NRXN1: variants seen among roughly 807,000 people sequenced by gnomAD.
NRXN1 encodes the protein neurexin 1, also known as neurexin-1.
In NRXN1, 39 loss-of-function variants were observed where a neutral mutation model predicts 150.9. The observed-to-expected ratio is 0.26, with a 90% confidence interval of 0.20 to 0.34. The LOEUF (loss-of-function observed/expected upper bound fraction) is 0.34, where lower values mean the gene tolerates loss of function less well. NRXN1 is among the 10% of genes least tolerant of loss of function. The pLI is 1.00. For synonymous variants in NRXN1, 924 were observed against 757.0 expected, an observed-to-expected ratio of 1.22 and a Z score of -3.62; for missense variants, 1,815 against 1,949.9, an observed-to-expected ratio of 0.93 and a Z score of 1.30.
In NRXN1 at chr2:50,347,515, G is replaced by C; in HGVS notation, c.3365-110545C>G. 1 of 1,047,334 alleles carries C rather than the reference G, an allele frequency of 9.5e-7. No individual in the cohort carries two copies. The highest frequency in any genetic ancestry group is 1.2e-6 in the Non-Finnish European group (1 of 866,684). The allele number at this position is 1,047,334 out of a possible 1,614,324, so 64.9% of individuals were successfully genotyped here. ...CCTTCCCTCCATTCAGCCCCGGCCG[G>C]CTCGCCCGCTAGCGCCAGCCTCCCC... On this transcript the variant is annotated intron_variant, in intron 17 of 22. Transcript: ENST00000401669. The surrounding 1 kb of genome is among the most constrained non-coding windows in gnomAD (Gnocchi z 4.9).
intron 19 of NRXN1, among the ~76,000 whole-genome samples, chr2:50,089,760 C>T (rs1256759631): frequency 1.3e-5 from 2 of 149,766 alleles, no homozygotes; most frequent in Non-Finnish European, 2.9e-5. Context: ...TACATCCAGT[C>T]TGGGCAAAAG....
intron 5 of NRXN1, among the ~76,000 whole-genome samples, chr2:50,743,026 A>C (rs898686436): frequency 6.6e-6 from 1 of 152,208 alleles, no homozygotes. Flanking sequence ...CAGAAATAAA[A>C]GTATAAGAAA....
intron 15 of NRXN1, among the ~76,000 whole-genome samples, chr2:50,478,121 G>C (rs1573154245): frequency 6.6e-6 from 1 of 152,138 alleles, no homozygotes; most frequent in Non-Finnish European, 1.5e-5. Flanking sequence ...GAGAGAGCTT[G>C]TCTTTAGGTG....
chr2:50,735,553 A>G (rs1465783415), intron 5 of NRXN1, among the ~76,000 whole-genome samples: 2 of 152,148 alleles, frequency 1.3e-5, no homozygotes, highest in African/African-American at 2.4e-5. Flanking sequence ...CATATCCCAT[A>G]TCCTAAGACA....
intron 21 of NRXN1, among the ~76,000 whole-genome samples, chr2:49,947,216 G>A (rs2104417106): frequency 6.6e-6 from 1 of 152,016 alleles, no homozygotes; most frequent in African/African-American, 2.4e-5. Context: ...CATTTTCTTT[G>A]AGGAATGTTA....
intron 5 of NRXN1, chr2:50,739,225 C>A (rs780259219): frequency 2.0e-6 from 1 of 498,044 alleles, no homozygotes; most frequent in East Asian, 5.6e-5. Flanking sequence ...CGACCAAGGG[C>A]ACTGGGTTCA....
At chr2:50,734,752 C>T (rs534182791) in intron 5 of NRXN1, among the ~76,000 whole-genome samples, 1 of 151,692 alleles carries the variant, frequency 6.6e-6, no homozygotes, top group Admixed American at 6.6e-5. Flanking sequence ...CATAACCCCC[C>T]CAAAACAACA....
At chr2:50,161,889 C>G (rs114700534) in intron 18 of NRXN1, among the ~76,000 whole-genome samples, 2 of 151,920 alleles carry the variant, frequency 1.3e-5, no homozygotes, top group African/African-American at 2.4e-5. Flanking sequence ...GAGGGGATGA[C>G]GAAGTTTTGG....
At chr2:50,415,713 C>T (rs1022353481) in intron 17 of NRXN1, among the ~76,000 whole-genome samples, 3 of 152,142 alleles carry the variant, frequency 2.0e-5, no homozygotes, top group Non-Finnish European at 2.9e-5. Flanking sequence ...AATAACCACA[C>T]ATCATCATAA....
chr2:50,268,401 A>G (rs1297507356), intron 17 of NRXN1, among the ~76,000 whole-genome samples: 5 of 152,174 alleles, frequency 3.3e-5, no homozygotes, highest in Non-Finnish European at 7.4e-5. Context: ...TACTACACCC[A>G]ACAGTGACCT....
intron 17 of NRXN1, among the ~76,000 whole-genome samples, chr2:50,274,567 A>T (rs2070179566): frequency 6.6e-6 from 1 of 152,176 alleles, no homozygotes. Flanking sequence ...TATAATTTAA[A>T]AAAAGAGACT....
intron 21 of NRXN1, among the ~76,000 whole-genome samples, chr2:49,990,252 A>C (rs2152519416): frequency 6.6e-6 from 1 of 152,286 alleles, no homozygotes; most frequent in South Asian, 2.1e-4. Context: ...CCCAGTGAAT[A>C]ACTACTGCCA....
At chr2:50,313,281 C>A (rs1251529594) in intron 17 of NRXN1, among the ~76,000 whole-genome samples, 10 of 152,102 alleles carry the variant, frequency 6.6e-5, no homozygotes, top group Non-Finnish European at 4.4e-5. Flanking sequence ...AGTTCCCACC[C>A]TAAGCTCTCA....
intron 5 of NRXN1, among the ~76,000 whole-genome samples, chr2:50,805,455 G>C (rs1426555987): frequency 6.6e-6 from 1 of 152,064 alleles, no homozygotes; most frequent in Non-Finnish European, 1.5e-5. Context: ...AGGAATTCGA[G>C]ACCAGCCTGG....
intron 12 of NRXN1, among the ~76,000 whole-genome samples, chr2:50,507,301 G>A (rs930122876): frequency 3.9e-5 from 6 of 151,940 alleles, no homozygotes; most frequent in Non-Finnish European, 5.9e-5. Context: ...ATCTGTCTGT[G>A]TGTGGCAGAG....
chr2:50,536,052 CCT>C (rs2093251306), intron 10 of NRXN1, among the ~76,000 whole-genome samples: 1 of 152,130 alleles, frequency 6.6e-6, no homozygotes, highest in Non-Finnish European at 1.5e-5. Flanking sequence ...GTCAAAGCCC[CCT>C]GTTTTAAATT....
At chr2:50,573,128 G>C (rs1670896568) in intron 8 of NRXN1, among the ~76,000 whole-genome samples, 1 of 152,064 alleles carries the variant, frequency 6.6e-6, no homozygotes, top group Non-Finnish European at 1.5e-5. Context: ...CTAGTACTTT[G>C]GGAGGTTGGG....
At chr2:50,175,451 T>A (rs549861484) in intron 18 of NRXN1, among the ~76,000 whole-genome samples, 1 of 152,252 alleles carries the variant, frequency 6.6e-6, no homozygotes, top group Admixed American at 6.6e-5. Flanking sequence ...TTAATAACTA[T>A]TTTTAGGCAG....
chr2:50,591,413 TAG>T (rs1558985129), intron 8 of NRXN1, among the ~76,000 whole-genome samples: 1 of 146,854 alleles, frequency 6.8e-6, no homozygotes, highest in Non-Finnish European at 1.5e-5. Context: ...GATAGATAGA[TAG>T]ATAGATAGAT....
Sources: allele counts gnomAD v4.1 joint callset (sites outside exome capture counted in the v4.1 genomes callset), GRCh38; gene constraint gnomAD v4.1.1; non-coding constraint Gnocchi (gnomAD v3.1); transcripts MANE v1.5; gene names NCBI Gene and HGNC (gene_info 2026-07-23, HGNC 2026-07-21).